The following RALGAPA1 variants were observed in gnomAD, a reference collection of about 807,000 sequenced individuals.
RALGAPA1 encodes Ral GTPase activating protein catalytic subunit alpha 1, also known as ral GTPase-activating protein subunit alpha-1.
RALGAPA1 carries 52 observed loss-of-function variants against 269.6 expected under a neutral mutation model. The observed-to-expected ratio is 0.19, with a 90% CI of 0.15 to 0.24. The LOEUF (loss-of-function observed/expected upper bound fraction) is 0.24, where lower values mean the gene tolerates loss of function less well. RALGAPA1 is among the 10% of genes least tolerant of loss of function. The pLI, the probability that RALGAPA1 is intolerant of heterozygous loss-of-function variation, is 1.00. For missense variants in RALGAPA1, 1,917 were observed against 3,013.9 expected (o/e 0.64, Z 8.52); for synonymous variants, 817 against 1,008.3 (o/e 0.81, Z 3.60).
chr14:35,626,953 T>C (rs2061028167), intron 34 of RALGAPA1, 137 bp downstream of exon 34: 1 of 808,170 alleles, frequency 1.2e-6, no homozygotes, highest in South Asian at 3.5e-5. Context: ...CAAAAAAAAA[T>C]CTGCAAAAAA....
chr14:35,539,711 A>G (rs1340119868), intron 41 of RALGAPA1, 21 bp from the exon 42 acceptor site: 1 of 1,612,532 alleles, frequency 6.2e-7, no homozygotes. Flanking sequence ...CAGCAAGAGC[A>G]TTACTACAGT....
intron 24 of RALGAPA1, 65 bp downstream of exon 24, chr14:35,674,115 C>T: frequency 7.9e-7 from 1 of 1,271,710 alleles, no homozygotes; most frequent in Non-Finnish European, 1.1e-6. Flanking sequence ...GCCAAAATCT[C>T]TATAAAAAGT....
chr14:35,797,727 C>T (rs2076681170), intron 1 of RALGAPA1, among the ~76,000 whole-genome samples: 1 of 149,812 alleles, frequency 6.7e-6, no homozygotes, highest in South Asian at 2.3e-4. Context: ...TGCCTGTAAT[C>T]CCAGCTACTC....
intron 1 of RALGAPA1, among the ~76,000 whole-genome samples, chr14:35,779,471 T>C (rs1268229367): frequency 6.6e-6 from 1 of 152,000 alleles, no homozygotes; most frequent in East Asian, 1.9e-4. Context: ...TAAGTTGCAG[T>C]GTGCTATGAT....
chr14:35,720,431 A>T (rs190574188), intron 16 of RALGAPA1, among the ~76,000 whole-genome samples: 235 of 152,326 alleles, frequency 1.5e-3, no homozygotes, highest in Middle Eastern at 3.4e-3. Flanking sequence ...TTTTTATACA[A>T]GATGTATCCT....
chr14:35,557,096 GTA>G (rs1179988651), intron 39 of RALGAPA1, among the ~76,000 whole-genome samples: 28 of 100,206 alleles, frequency 2.8e-4, no homozygotes, highest in African/African-American at 1.4e-3. Flanking sequence ...TATCCAATAT[GTA>G]TGTGTGTGTG....
intron 35 of RALGAPA1, among the ~76,000 whole-genome samples, chr14:35,618,333 T>C (rs1384995411): frequency 6.6e-6 from 1 of 152,116 alleles, no homozygotes. Context: ...TCTAGTGATA[T>C]TAAAATACAA....
rs535051311 is a variant in RALGAPA1 at position 35,553,364 on chromosome 14, T to C, written c.7497-4130A>G. On this transcript the variant is annotated intron_variant, in intron 39 of 41. Transcript: ENST00000680220. ...CTGATGCAAGGAAACTGATTTCTCA[T>C]GGAGGAAAAGGACAAAAGATACTGC... Among the ~76,000 whole-genome samples the C allele has an allele frequency of 3.3e-3, 500 of 152,280 alleles. 4 individuals carry two copies. The highest frequency in any genetic ancestry group is 0.011 in the African/African-American group (474 of 41,544).
chr14:35,809,102 C>G lies in RALGAPA1; in HGVS notation c.-267G>C. 2.9e-6 allele frequency: 1 copy of G among 350,840 alleles called. No homozygotes were observed. The allele number at this position is 350,840 out of a possible 1,614,324, so 21.7% of individuals were successfully genotyped here. ...CCGGCCCTGCACGGAGCGAGGCAGA[C>G]CCGGGCTGGCCGCCTGCCGCCGCCG... On this transcript the variant is annotated 5_prime_UTR_variant, in exon 1 of 42. Transcript: ENST00000680220.
intron 1 of RALGAPA1, among the ~76,000 whole-genome samples, chr14:35,803,074 G>A (rs1358990956): frequency 6.6e-6 from 1 of 152,138 alleles, no homozygotes; most frequent in East Asian, 1.9e-4. Flanking sequence ...CAAAGTAGGA[G>A]GGACAACACT....
chr14:35,641,831 T>C (rs539896739), intron 31 of RALGAPA1, among the ~76,000 whole-genome samples: 2 of 152,206 alleles, frequency 1.3e-5, no homozygotes, highest in South Asian at 4.2e-4. Flanking sequence ...AAGAATCACA[T>C]TATCTGATTT....
intron 41 of RALGAPA1, among the ~76,000 whole-genome samples, chr14:35,541,254 C>T (rs2053968476): frequency 6.6e-6 from 1 of 151,804 alleles, no homozygotes; most frequent in South Asian, 2.1e-4. Flanking sequence ...ACCATGTTGG[C>T]CAGGATGGTC....
At chr14:35,785,188 TA>T (rs2075710719) in intron 1 of RALGAPA1, among the ~76,000 whole-genome samples, 1 of 152,244 alleles carries the variant, frequency 6.6e-6, no homozygotes, top group African/African-American at 2.4e-5. Flanking sequence ...ATTTAAAATC[TA>T]AAGTGGCTAA....
At chr14:35,614,974 G>A (rs1212390356) in intron 35 of RALGAPA1, among the ~76,000 whole-genome samples, 1 of 152,010 alleles carries the variant, frequency 6.6e-6, no homozygotes, top group Non-Finnish European at 1.5e-5. Flanking sequence ...TAAAAGAGAA[G>A]CAGAGTTCAG....
chr14:35,688,326 C>A, intron 18 of RALGAPA1, 133 bp downstream of exon 18: 1 of 924,570 alleles, frequency 1.1e-6, no homozygotes, highest in Non-Finnish European at 1.6e-6. Context: ...GGAAAAGGCG[C>A]ATGCATAACC....
intron 33 of RALGAPA1, 90 bp downstream of exon 33, chr14:35,634,484 T>C: frequency 9.9e-7 from 1 of 1,015,186 alleles, no homozygotes; most frequent in Non-Finnish European, 1.4e-6. Context: ...TAAGACATAC[T>C]CTCCTTCTCC....
chr14:35,612,210 A>G (rs1408106069), intron 35 of RALGAPA1, among the ~76,000 whole-genome samples: 1 of 151,982 alleles, frequency 6.6e-6, no homozygotes, highest in Non-Finnish European at 1.5e-5. Flanking sequence ...CATCTCTACA[A>G]AAATTTAAAA....
intron 35 of RALGAPA1, among the ~76,000 whole-genome samples, chr14:35,624,092 A>C (rs1246913638): frequency 6.6e-6 from 1 of 151,364 alleles, no homozygotes; most frequent in African/African-American, 2.4e-5. Flanking sequence ...ATCTCAAAAA[A>C]AAAAAAAGTT....
In RALGAPA1 at chr14:35,673,017, G is replaced by A; in HGVS notation, c.4923C>T (p.Thr1641=). ...RILTPWLFKA[T]MLTDKYKQGK... ...CTTGTTTATATTTATCAGTCAACAT[G>A]GTTGCCTAAAATTAAAAGATCAGTT... Residue 1641 remains threonine, a synonymous_variant, in exon 25 of 42, where the codon ACC becomes ACT. Transcript: ENST00000680220. 6.8e-7 allele frequency: 1 copy of A among 1,473,960 alleles called. No individual in the cohort carries two copies. Among genetic ancestry groups the A allele is most frequent in the East Asian group, 2.6e-5 (1 of 39,132 alleles). 91.3% of individuals were successfully genotyped at this position (1,473,960 alleles called of 1,614,324 possible).
Sources: allele counts gnomAD v4.1 joint callset (sites outside exome capture counted in the v4.1 genomes callset), GRCh38; gene constraint gnomAD v4.1.1; transcripts MANE v1.5; gene names NCBI Gene and HGNC (gene_info 2026-07-23, HGNC 2026-07-21).